The following DLG2 variants were observed in gnomAD, a reference collection of about 807,000 sequenced individuals.
DLG2 encodes the protein discs large MAGUK scaffold protein 2.
A neutral mutation model predicts 132.5 loss-of-function variants in DLG2; 45 were observed. The ratio of observed to expected loss-of-function variants is 0.34; its 90% CI spans 0.27 to 0.44. DLG2 has a LOEUF of 0.44. DLG2 is among the 20% of genes least tolerant of loss of function. The pLI is 1.00. For missense variants in DLG2, 1,045 were observed against 1,196.9 expected (o/e 0.87, Z 1.87); for synonymous variants, 424 against 419.6 (o/e 1.01, Z -0.13).
intron 6 of DLG2, among the ~76,000 whole-genome samples, chr11:84,640,953 AAAAAAAAAAAAC>A (rs201325870): frequency 6.1e-4 from 56 of 91,924 alleles, no homozygotes; most frequent in African/African-American, 1.5e-3. Flanking sequence ...ACAAACAAAC[AAAAAAAAAAAAC>A]AAAAAAAAAA....
At chr11:85,262,921 C>A (rs1195083769) in intron 4 of DLG2, among the ~76,000 whole-genome samples, 1 of 152,128 alleles carries the variant, frequency 6.6e-6, no homozygotes, top group Non-Finnish European at 1.5e-5. Context: ...TTTTGAGAGT[C>A]TGAGAGTCAA....
intron 6 of DLG2, among the ~76,000 whole-genome samples, chr11:84,906,822 G>C (rs2091571460): frequency 6.6e-6 from 1 of 152,108 alleles, no homozygotes; most frequent in Admixed American, 6.6e-5. Context: ...AGAGAGAAAA[G>C]AACTGAATCC....
intron 6 of DLG2, among the ~76,000 whole-genome samples, chr11:84,797,529 G>T (rs541496082): frequency 2.6e-5 from 4 of 152,078 alleles, no homozygotes. Flanking sequence ...GCATTCTTTA[G>T]TATGTCAGTT....
chr11:85,520,513 A>AGCC (rs1448781823), intron 3 of DLG2, among the ~76,000 whole-genome samples: 7 of 65,510 alleles, frequency 1.1e-4, no homozygotes, highest in Non-Finnish European at 2.2e-4. Flanking sequence ...ATGTATATGG[A>AGCC]ACCACACACA....
chr11:84,768,377 A>G (rs1328444443), intron 6 of DLG2, among the ~76,000 whole-genome samples: 1 of 152,186 alleles, frequency 6.6e-6, no homozygotes, highest in Non-Finnish European at 1.5e-5. Context: ...ATGTAAAAGA[A>G]TTAGTATTGT....
intron 6 of DLG2, among the ~76,000 whole-genome samples, chr11:84,878,880 C>T (rs571388988): frequency 6.7e-4 from 102 of 152,226 alleles, no homozygotes; most frequent in African/African-American, 2.3e-3. Context: ...TTTCACCATG[C>T]TAAAGCCTGA....
At chr11:83,764,496 T>C (rs1362220363) in intron 18 of DLG2, among the ~76,000 whole-genome samples, 1 of 152,250 alleles carries the variant, frequency 6.6e-6, no homozygotes, top group African/African-American at 2.4e-5. Context: ...GTCACTGACC[T>C]TGCTGTGGTG....
At chr11:85,462,019 A>T (rs908473281) in intron 3 of DLG2, among the ~76,000 whole-genome samples, 16 of 152,254 alleles carry the variant, frequency 1.1e-4, no homozygotes, top group African/African-American at 3.9e-4. Context: ...TCAAAAGAAG[A>T]CATTTATGCA....
At chr11:83,511,252 C>CT (rs2095019569) in intron 21 of DLG2, among the ~76,000 whole-genome samples, 2 of 152,152 alleles carry the variant, frequency 1.3e-5, no homozygotes, top group Admixed American at 6.5e-5. Flanking sequence ...CTATTGTTTT[C>CT]CTTCAATGCT....
chr11:84,466,096 A>T (rs892293199), intron 7 of DLG2, among the ~76,000 whole-genome samples: 2 of 151,346 alleles, frequency 1.3e-5, no homozygotes, highest in African/African-American at 4.8e-5. Flanking sequence ...AGGAATTTTT[A>T]AATAAATAAT....
chr11:83,800,634 T>G (rs1019841493), intron 17 of DLG2, among the ~76,000 whole-genome samples: 3 of 151,310 alleles, frequency 2.0e-5, no homozygotes, highest in African/African-American at 7.3e-5. Flanking sequence ...CCCTTTAAAT[T>G]TGGATTCCTG....
intron 6 of DLG2, among the ~76,000 whole-genome samples, chr11:84,963,496 T>C (rs531682717): frequency 1.3e-5 from 2 of 152,290 alleles, no homozygotes; most frequent in South Asian, 2.1e-4. Context: ...CCATTATTCA[T>C]TAACTGTTCC....
intron 6 of DLG2, among the ~76,000 whole-genome samples, chr11:84,623,103 A>G (rs17147453): frequency 0.039 from 5,893 of 152,014 alleles, 413 homozygotes; most frequent in African/African-American, 0.14. Context: ...CCCAAACACC[A>G]CCCTTTTGAT....
At chr11:83,720,818 G>A (rs377360535) in intron 18 of DLG2, 7 of 140,792 alleles carry the variant, frequency 5.0e-5, no homozygotes, top group African/African-American at 1.6e-4. Flanking sequence ...CCTCTCTTCT[G>A]CTGCTCACCA....
intron 11 of DLG2, among the ~76,000 whole-genome samples, chr11:83,992,662 A>AT (rs1350359173): frequency 1.3e-5 from 2 of 152,170 alleles, no homozygotes; most frequent in African/African-American, 4.8e-5. Flanking sequence ...ATTAATGTAC[A>AT]TTCAGCCCTT....
At chr11:83,504,084 A>G (rs1302186823) in intron 21 of DLG2, among the ~76,000 whole-genome samples, 4 of 152,202 alleles carry the variant, frequency 2.6e-5, no homozygotes, top group African/African-American at 9.6e-5. Context: ...AAATAAAATG[A>G]AGATATTTTC....
At position 83,983,034 on chromosome 11, in the gene DLG2, T is replaced by A. The variant is rs1466089727; in HGVS notation, c.920-2392A>T. Among the ~76,000 whole-genome samples, 6 of 152,232 alleles carry A rather than the reference T, an allele frequency of 3.9e-5. No individual in the cohort carries two copies. The South Asian group carries it at 1.2e-3, about 32-fold the overall frequency. On this transcript the variant is annotated intron_variant, in intron 11 of 27. Transcript: ENST00000376104. ...CTAAGTACGCTCTATTATGTTCCCA[T>A]AACAATGATGACATTGTCTAATGAT...
intron 6 of DLG2, among the ~76,000 whole-genome samples, chr11:85,042,857 G>A (rs974869452): frequency 2.0e-5 from 3 of 151,782 alleles, no homozygotes; most frequent in Admixed American, 2.0e-4. Flanking sequence ...AGGTATTTAT[G>A]GAAGATATTT....
intron 6 of DLG2, among the ~76,000 whole-genome samples, chr11:84,796,635 C>T (rs917192782): frequency 6.6e-6 from 1 of 151,992 alleles, no homozygotes; most frequent in South Asian, 2.1e-4. Context: ...TTTATTTCTC[C>T]TTCATGCTTG....
Sources: gnomAD v4.1 joint callset for allele counts (sites outside exome capture counted in the v4.1 genomes callset) on GRCh38, gnomAD v4.1.1 for gene constraint, MANE v1.5 for transcripts, NCBI Gene and HGNC (gene_info 2026-07-23, HGNC 2026-07-21) for gene names.